Variants in SP140 observed in about 807,000 individuals in gnomAD.
SP140 encodes the protein SP140 nuclear body protein, also known as nuclear body protein SP140.
Under a neutral mutation model 125.0 loss-of-function variants are expected in SP140, and 81 were observed. That is an observed-to-expected ratio of 0.65 (90% CI 0.54 to 0.78). SP140 has a LOEUF of 0.78. SP140 is among the 30% of genes least tolerant of loss of function. The pLI is 0.00. For synonymous variants in SP140, 312 were observed against 354.0 expected (o/e 0.88, Z 1.33); for missense variants, 858 against 1,037.0 (o/e 0.83, Z 2.37).
At position 230,312,576 on chromosome 2, in the gene SP140, A is replaced by AT; in HGVS notation, c.2506-4dup. 6.3e-7 allele frequency: 1 copy of AT among 1,576,416 alleles called. No homozygotes were observed. The highest frequency in any genetic ancestry group is 8.7e-7 in the Non-Finnish European group (1 of 1,149,030). ...GAGGAGCATTGTTTTTGTCTTTATT[A>AT]TTTTTTCAGTACAAGGATTTTGGCC... is the stretch of plus-strand genomic sequence containing the variant. On this transcript the variant is annotated splice_polypyrimidine_tract_variant and intron_variant, in intron 26 of 26. Coordinates refer to ENST00000392045, the MANE Select transcript of SP140 (RefSeq NM_007237.5).
intron 12 of SP140, among the ~76,000 whole-genome samples, chr2:230,259,471 A>C (rs1407799622): frequency 1.3e-5 from 2 of 151,700 alleles, no homozygotes. Context: ...TGAGGTCAGG[A>C]GTTTGAGACC....
chr2:230,186,238 TTC>T, the SP140 span: 1 of 1,180,292 alleles, frequency 8.5e-7, no homozygotes, highest in Admixed American at 2.0e-5. Flanking sequence ...TTCTCTATAA[TTC>T]TCTCTTTTCT....
chr2:230,291,066 A>G (rs1177042866), intron 19 of SP140, among the ~76,000 whole-genome samples: 4 of 152,236 alleles, frequency 2.6e-5, no homozygotes, highest in Admixed American at 6.5e-5. Context: ...AGAGGGAACA[A>G]TAATGAAAAA....
At chr2:230,229,532 A>G (rs555536419) in intron 1 of SP140, among the ~76,000 whole-genome samples, 14 of 129,542 alleles carry the variant, frequency 1.1e-4, no homozygotes, top group Non-Finnish European at 2.2e-4. Flanking sequence ...CAGTGGTGCA[A>G]TCTCGGCTCT....
the SP140 span, among the ~76,000 whole-genome samples, chr2:230,186,606 T>C: frequency 6.6e-6 from 1 of 152,224 alleles, no homozygotes; most frequent in Non-Finnish European, 1.5e-5. Context: ...GCACTCTTCG[T>C]CTGAGTAGTG....
chr2:230,206,594 T>A (rs2043837240), intron 1 of SP140, among the ~76,000 whole-genome samples: 2 of 101,632 alleles, frequency 2.0e-5, no homozygotes, highest in Admixed American at 1.1e-4. Flanking sequence ...TGGTCCAGAT[T>A]TTATATATAT....
chr2:230,313,743 A>G (rs570327065), downstream of SP140, among the ~76,000 whole-genome samples: 4 of 152,316 alleles, frequency 2.6e-5, no homozygotes, highest in South Asian at 2.1e-4. Context: ...GTCTAGCCCA[A>G]TGGTGCTGGG....
chr2:230,208,032 G>T, intron 1 of SP140: 6 of 1,564,466 alleles, frequency 3.8e-6, no homozygotes, highest in Non-Finnish European at 5.3e-6. Flanking sequence ...TTTTGGAGTT[G>T]ACCAGATACA....
chr2:230,285,618 G>C (rs1410851906), intron 16 of SP140, 134 bp from the exon 17 acceptor site: 1 of 713,898 alleles, frequency 1.4e-6, no homozygotes, highest in Non-Finnish European at 2.4e-6. Flanking sequence ...ACTCCCAAAA[G>C]CAAAAAATGC....
rs1553600191 is a variant in SP140, at chr2:230,288,509, C to CTTTCTTTCTTTCTTTCTTTT, written c.1720+558_1720+559insCTTTTTTTCTTTCTTTCTTT. On this transcript the variant is annotated intron_variant, in intron 18 of 26. Transcript: ENST00000392045. ...TCTTTCTTTCTTTCTTTCTTTCTTT[C>CTTTCTTTCTTTCTTTCTTTT]TTTCTTTCTTTCTTTTTTTATTCTT... Among the ~76,000 whole-genome samples, 68 of 116,118 alleles carry CTTTCTTTCTTTCTTTCTTTT rather than the reference C, an allele frequency of 5.9e-4. 1 individual carries two copies. Among genetic ancestry groups the CTTTCTTTCTTTCTTTCTTTT allele is most frequent in the African/African-American group, 2.1e-3 (65 of 31,692 alleles). The allele number at this position is 116,118 out of a possible 152,430, so 76.2% of individuals were successfully genotyped here. A position where few individuals can be genotyped will look rare whatever the true frequency, so the allele number is the denominator to read the frequency against.
At chr2:230,309,816 G>T in intron 22 of SP140, 108 bp from the exon 23 acceptor site, 1 of 1,060,484 alleles carries the variant, frequency 9.4e-7, no homozygotes, top group East Asian at 2.4e-5. Context: ...AGAAGCATTT[G>T]CCTGTCCATG....
At chr2:230,307,951 G>T (rs1435073711) in intron 22 of SP140, among the ~76,000 whole-genome samples, 2 of 48,412 alleles carry the variant, frequency 4.1e-5, no homozygotes, top group African/African-American at 1.4e-4. Context: ...ACTTGGACAT[G>T]CATGTATATA....
At position 230,238,359 on chromosome 2, in the gene SP140, G is replaced by A; in HGVS notation, c.384G>A (p.Glu128=). 1 of 1,611,310 alleles carries A rather than the reference G, an allele frequency of 6.2e-7. No individual in the cohort carries two copies. Among genetic ancestry groups the A allele is most frequent in the Non-Finnish European group, 8.5e-7 (1 of 1,179,372 alleles). Residue 128 remains glutamate (E), a synonymous_variant, in exon 3 of 27, where the codon GAG becomes GAA. Transcript: ENST00000392045. The stretch of plus-strand genomic sequence containing the variant: ...TGATGGCCTATCCTGATTTAAACGA[G>A]ATTTACAGAAGCTTCCAGAATGGTA... ...INLMAYPDLN[E]IYRSFQNVCY...
At chr2:230,302,048 T>C (rs1047408074) in intron 22 of SP140, among the ~76,000 whole-genome samples, 1 of 152,178 alleles carries the variant, frequency 6.6e-6, no homozygotes. Flanking sequence ...CGACCTTATA[T>C]AATGATAAAA....
chr2:230,248,690 T>C (rs1863677), intron 8 of SP140, among the ~76,000 whole-genome samples, 195 bp from the exon 9 acceptor site: 45,782 of 151,706 alleles, frequency 0.3, 7,061 homozygotes, highest in Middle Eastern at 0.35. Context: ...TAGGAGGGAA[T>C]TATGTGGAGG....
At chr2:230,279,575 G>C (rs765417635) in intron 15 of SP140, among the ~76,000 whole-genome samples, 1 of 152,128 alleles carries the variant, frequency 6.6e-6, no homozygotes, top group Non-Finnish European at 1.5e-5. Context: ...TTATGTAGAT[G>C]TTCCACGCAT....
intron 4 of SP140, among the ~76,000 whole-genome samples, chr2:230,241,982 GAGAGGGGA>G (rs2048794711): frequency 1.3e-5 from 2 of 152,168 alleles, no homozygotes; most frequent in South Asian, 4.1e-4. Flanking sequence ...GATATGGAGA[GAGAGGGGA>G]GCCTGAAAGA....
chr2:230,204,739 G>A (rs567151197), intron 1 of SP140, among the ~76,000 whole-genome samples: 2 of 152,276 alleles, frequency 1.3e-5, no homozygotes, highest in East Asian at 1.9e-4. Context: ...GCTGGGTGCT[G>A]TAGAAATTAT....
In SP140 at chr2:230,309,959, C is replaced by T. The variant is rs764162071; in HGVS notation, c.2094C>T (p.Asp698=). ...RNLDECEVCR[D]GGELFCCDTC... ...TGGATGAGTGTGAGGTGTGCCGGGACGGAGGGGAGCTGTTCTGTTGCGACA... is the reference window on the plus strand; with the variant it reads ...TGGATGAGTGTGAGGTGTGCCGGGATGGAGGGGAGCTGTTCTGTTGCGACA... Residue 698 remains aspartate, a synonymous_variant, in exon 23 of 27, where the codon GAC becomes GAT. Transcript: ENST00000392045. The T allele has an allele frequency of 5.2e-5, 84 of 1,613,970 alleles. No homozygotes were observed. The South Asian group carries it at 5.4e-4, about 10-fold the overall frequency.
Sources: allele counts gnomAD v4.1 joint callset (sites outside exome capture counted in the v4.1 genomes callset), GRCh38; gene constraint gnomAD v4.1.1; transcripts MANE v1.5; gene names NCBI Gene and HGNC (gene_info 2026-07-23, HGNC 2026-07-21).